Variants in CHST11 observed in about 807,000 individuals in gnomAD.
CHST11 encodes the protein C4S-1.
Under a neutral mutation model 30.4 loss-of-function variants are expected in CHST11, and 9 were observed. The ratio of observed to expected loss-of-function variants is 0.30; its 90% confidence interval spans 0.18 to 0.52. CHST11 has a LOEUF of 0.52. CHST11 is among the 20% of genes least tolerant of loss of function. The pLI is 0.97. For synonymous variants in CHST11, 152 were observed against 187.8 expected, an observed-to-expected ratio of 0.81 and a Z score of 1.56; for missense variants, 348 against 460.6, an observed-to-expected ratio of 0.76 and a Z score of 2.24.
intron 2 of CHST11, among the ~76,000 whole-genome samples, chr12:104,629,345 A>C (rs774371101): frequency 2.0e-5 from 3 of 152,212 alleles, no homozygotes; most frequent in Non-Finnish European, 4.4e-5. Flanking sequence ...CTTGAAGCTC[A>C]CATGGTTGTT....
chr12:104,725,647 A>C (rs2040211589), intron 2 of CHST11, among the ~76,000 whole-genome samples: 1 of 152,002 alleles, frequency 6.6e-6, no homozygotes, highest in African/African-American at 2.4e-5. Context: ...CTCAGGACTC[A>C]GAAAAGTTCT....
At chr12:104,471,174 G>A (rs1219253293) in intron 1 of CHST11, among the ~76,000 whole-genome samples, 2 of 152,158 alleles carry the variant, frequency 1.3e-5, no homozygotes, top group Non-Finnish European at 2.9e-5. Flanking sequence ...GTGGTACTTT[G>A]TGTGTGTACA....
At chr12:104,527,565 T>G (rs1704913) in intron 1 of CHST11, among the ~76,000 whole-genome samples, 3 of 152,102 alleles carry the variant, frequency 2.0e-5, no homozygotes, top group African/African-American at 4.8e-5. Context: ...TCTTCTATAC[T>G]CTTCTGAGAA....
intron 2 of CHST11, among the ~76,000 whole-genome samples, chr12:104,714,037 C>T (rs549148722): frequency 6.6e-6 from 1 of 152,300 alleles, no homozygotes. Context: ...AGTAAGGCTA[C>T]CCCCTGCCTC....
Position 104,529,388 on chromosome 12 carries a change from T to C in CHST11, c.118+71859T>C, listed in dbSNP as rs991000753. On this transcript the variant is annotated intron_variant, in intron 1 of 2. Coordinates refer to ENST00000303694, the MANE Select transcript of CHST11 (RefSeq NM_018413.6). ...CAGACAAGTGGCTTGACTCTCTTTG[T>C]TCTTTTATAGGGCTGTGTGTGGATT... 3.9e-5 allele frequency among the ~76,000 whole-genome samples: 6 copies of C among 152,364 alleles called. No individual in the cohort carries two copies. The East Asian group carries it at 5.8e-4, about 15-fold the overall frequency.
At chr12:104,684,066 C>T (rs1477689071) in intron 2 of CHST11, among the ~76,000 whole-genome samples, 1 of 152,110 alleles carries the variant, frequency 6.6e-6, no homozygotes, top group African/African-American at 2.4e-5. Context: ...GAGGGAGGAG[C>T]GAGGAGATGC....
chr12:104,712,768 C>A (rs543229239), intron 2 of CHST11, among the ~76,000 whole-genome samples: 9 of 152,298 alleles, frequency 5.9e-5, no homozygotes. Context: ...CTCTACAACA[C>A]CATAAATGCC....
chr12:104,625,391 G>T (rs549154815), intron 2 of CHST11, among the ~76,000 whole-genome samples: 1 of 152,238 alleles, frequency 6.6e-6, no homozygotes, highest in Non-Finnish European at 1.5e-5. Context: ...TGCAACCTCT[G>T]CCTCCCGGGT....
chr12:104,685,446 A>G (rs746626904), intron 2 of CHST11, among the ~76,000 whole-genome samples: 1 of 152,232 alleles, frequency 6.6e-6, no homozygotes, highest in Non-Finnish European at 1.5e-5. Flanking sequence ...ATTTATACCA[A>G]TGATAAATTT....
chr12:104,476,237 AT>A (rs1555226491), intron 1 of CHST11, among the ~76,000 whole-genome samples: 3 of 145,866 alleles, frequency 2.1e-5, no homozygotes, highest in Non-Finnish European at 4.5e-5. Flanking sequence ...ATGTAATAGC[AT>A]ATGTTACACA....
At chr12:104,658,627 G>A (rs911338138) in intron 2 of CHST11, among the ~76,000 whole-genome samples, 1 of 152,082 alleles carries the variant, frequency 6.6e-6, no homozygotes, top group Admixed American at 6.5e-5. Context: ...CGTAACTCTG[G>A]CACTTCCTAG....
At chr12:104,663,267 T>C (rs569166471) in intron 2 of CHST11, among the ~76,000 whole-genome samples, 6 of 152,260 alleles carry the variant, frequency 3.9e-5, no homozygotes, top group Non-Finnish European at 7.3e-5. Flanking sequence ...AAGGTTGATT[T>C]CAGTGGGTTT....
At chr12:104,633,404 C>A (rs553552069) in intron 2 of CHST11, among the ~76,000 whole-genome samples, 118 of 148,768 alleles carry the variant, frequency 7.9e-4, no homozygotes, top group South Asian at 6.5e-3. Flanking sequence ...GTGCTCCTCT[C>A]CCTCTGTCTT....
chr12:104,668,771 G>A (rs1280821445), intron 2 of CHST11, among the ~76,000 whole-genome samples: 1 of 152,202 alleles, frequency 6.6e-6, no homozygotes, highest in Admixed American at 6.5e-5. Context: ...GCTATTTGGA[G>A]GGAATGAGAT....
chr12:104,754,545 G>C (rs372122345), intron 2 of CHST11, among the ~76,000 whole-genome samples: 3 of 152,178 alleles, frequency 2.0e-5, no homozygotes, highest in African/African-American at 7.2e-5. Context: ...GAACTGCAGG[G>C]CTTCCTAATA....
chr12:104,696,088 C>T (rs1256149517), intron 2 of CHST11, among the ~76,000 whole-genome samples: 5 of 152,068 alleles, frequency 3.3e-5, no homozygotes, highest in Admixed American at 1.3e-4. Context: ...AGGGGAGCCT[C>T]CTAGGTATGT....
intron 2 of CHST11, among the ~76,000 whole-genome samples, chr12:104,698,115 CATTT>C (rs1204226213): frequency 1.3e-5 from 2 of 152,154 alleles, no homozygotes; most frequent in African/African-American, 4.8e-5. Context: ...CATATCAAGC[CATTT>C]ATTCATCCAT....
intron 1 of CHST11, among the ~76,000 whole-genome samples, chr12:104,528,944 T>C (rs899609934): frequency 6.6e-6 from 1 of 152,172 alleles, no homozygotes; most frequent in African/African-American, 2.4e-5. Context: ...TAAAGAAATG[T>C]AGAAATTCAG....
At position 104,618,211 on chromosome 12, in the gene CHST11, C is replaced by T. The variant is rs180790237; in HGVS notation, c.204+16220C>T. Among the ~76,000 whole-genome samples, 243 of 144,088 alleles carry T rather than the reference C, an allele frequency of 1.7e-3. 4 individuals are homozygous for T. Among genetic ancestry groups the T allele is most frequent in the African/African-American group, 5.9e-3 (229 of 38,866 alleles). 94.5% of individuals were successfully genotyped at this position (144,088 alleles called of 152,430 possible). A position where few individuals can be genotyped will look rare whatever the true frequency, so the allele number is the denominator to read the frequency against. Reference sequence around the variant, plus strand: ...TGTGAGCCACTGTGCCTGGCTTCTTCTTCTTTTCTTTTCTTTTTTTTTTTT... The same window carrying T: ...TGTGAGCCACTGTGCCTGGCTTCTTTTTCTTTTCTTTTCTTTTTTTTTTTT... On this transcript the variant is annotated intron_variant, in intron 2 of 2. Coordinates refer to ENST00000303694, the MANE Select transcript of CHST11 (RefSeq NM_018413.6).
Sources: allele counts gnomAD v4.1 joint callset (sites outside exome capture counted in the v4.1 genomes callset), GRCh38; gene constraint gnomAD v4.1.1; transcripts MANE v1.5; gene names NCBI Gene and HGNC (gene_info 2026-07-23, HGNC 2026-07-21).